Variants in EPC2 observed in about 807,000 individuals in gnomAD.
EPC2 encodes the protein enhancer of polycomb 2.
EPC2 carries 14 observed loss-of-function variants against 92.1 expected under a neutral mutation model. The ratio of observed to expected loss-of-function variants is 0.15; its 90% CI spans 0.10 to 0.24. EPC2 has a LOEUF of 0.24. Among genes scored for constraint, EPC2 ranks in the 10% least tolerant of loss-of-function variants. The pLI is 1.00. For synonymous variants in EPC2, 340 were observed against 334.7 expected, an observed-to-expected ratio of 1.02 and a Z score of -0.17; for missense variants, 755 against 971.5, an observed-to-expected ratio of 0.78 and a Z score of 2.96.
intron 4 of EPC2, 35 bp downstream of exon 4, chr2:148,754,168 T>C: frequency 6.8e-7 from 1 of 1,471,126 alleles, no homozygotes; most frequent in Non-Finnish European, 9.2e-7. Context: ...GAAGGTAGCT[T>C]AATAGTATTC....
chr2:148,744,698 C>T (rs891046366), intron 3 of EPC2, among the ~76,000 whole-genome samples: 1 of 151,706 alleles, frequency 6.6e-6, no homozygotes, highest in Admixed American at 6.6e-5. Flanking sequence ...CCAAATTTAT[C>T]ATGAGCTATG....
chr2:148,698,905 C>G (rs905880369), intron 2 of EPC2, among the ~76,000 whole-genome samples: 1 of 148,808 alleles, frequency 6.7e-6, no homozygotes, highest in Non-Finnish European at 1.5e-5. Flanking sequence ...TTTTCACTGA[C>G]TGTCATAGAG....
chr2:148,781,268 A>T lies in EPC2; in HGVS notation c.1721-376A>T, dbSNP rs543558314. Among the ~76,000 whole-genome samples the T allele has an allele frequency of 5.6e-4, 86 of 152,264 alleles. 1 individual carries two copies. In the Middle Eastern group the frequency reaches 0.017, roughly 30 times the overall value. ...GTCCTGCTTTCTTATTAAGGCTATA[A>T]CTTAGTCATCATTATTATTAACATG... On this transcript the variant is annotated intron_variant, in intron 10 of 13. Transcript: ENST00000258484.
At chr2:148,647,303 A>C (rs1683823069) in intron 1 of EPC2, among the ~76,000 whole-genome samples, 1 of 151,950 alleles carries the variant, frequency 6.6e-6, no homozygotes, top group Admixed American at 6.6e-5. Context: ...TCGTGTTGCA[A>C]TTTTTTGTTT....
At chr2:148,726,370 C>T (rs780207464) in intron 2 of EPC2, among the ~76,000 whole-genome samples, 1 of 152,116 alleles carries the variant, frequency 6.6e-6, no homozygotes, top group Non-Finnish European at 1.5e-5. Flanking sequence ...AGAAACTACT[C>T]CTGTTTTTCA....
intron 1 of EPC2, among the ~76,000 whole-genome samples, chr2:148,666,939 T>G (rs958224864): frequency 6.6e-6 from 1 of 151,678 alleles, no homozygotes; most frequent in Non-Finnish European, 1.5e-5. Context: ...CTTTTTTGAG[T>G]AGGAGCTGGA....
At chr2:148,645,225 C>T (rs1231350664) in intron 1 of EPC2, 55 bp downstream of exon 1, 24 of 1,425,302 alleles carry the variant, frequency 1.7e-5, no homozygotes, top group East Asian at 2.6e-5. Flanking sequence ...TCCCCTTTGT[C>T]AGTCGGGCCT....
intron 1 of EPC2, among the ~76,000 whole-genome samples, chr2:148,684,538 TAACAG>T (rs1681474279): frequency 6.6e-6 from 1 of 152,252 alleles, no homozygotes. Context: ...CTTCTACACG[TAACAG>T]TGCTTCTAAG....
intron 1 of EPC2, 154 bp downstream of exon 1, chr2:148,645,324 C>T (rs1683772413): frequency 1.5e-6 from 1 of 659,994 alleles, no homozygotes; most frequent in Non-Finnish European, 2.5e-6. Flanking sequence ...AGCGTAAACC[C>T]TCTCGGCCGG....
At chr2:148,701,445 T>C (rs1204379570) in intron 2 of EPC2, among the ~76,000 whole-genome samples, 1 of 152,204 alleles carries the variant, frequency 6.6e-6, no homozygotes, top group African/African-American at 2.4e-5. Context: ...ATTCTTAGTT[T>C]GCTGAGAGTT....
At position 148,729,675 on chromosome 2, in the gene EPC2, C is replaced by A. The variant is rs1457215548; in HGVS notation, c.314-13947C>A. Reference sequence around the variant, plus strand: ...GGAAAATCTGATGAATGAGAAAAAACCTAAGAAAATGCATAGTTAGAGAGA... The same window carrying A: ...GGAAAATCTGATGAATGAGAAAAAAACTAAGAAAATGCATAGTTAGAGAGA... On this transcript the variant is annotated intron_variant, in intron 2 of 13. Transcript: ENST00000258484. 2.0e-5 allele frequency among the ~76,000 whole-genome samples: 3 copies of A among 151,928 alleles called. No homozygotes were observed. In the East Asian group the frequency reaches 5.8e-4, roughly 29 times the overall value.
intron 1 of EPC2, among the ~76,000 whole-genome samples, chr2:148,656,998 G>GT (rs1172627778): frequency 7.3e-5 from 11 of 151,150 alleles, no homozygotes; most frequent in South Asian, 4.2e-4. Context: ...AATGCCATGA[G>GT]TTTTTTTTTA....
At chr2:148,689,655 G>A (rs1031005365) in intron 1 of EPC2, among the ~76,000 whole-genome samples, 5 of 152,102 alleles carry the variant, frequency 3.3e-5, no homozygotes, top group African/African-American at 7.2e-5. Flanking sequence ...AGTAAGTTGT[G>A]GAAGTAATGA....
chr2:148,649,736 A>G (rs1680630129), intron 1 of EPC2, among the ~76,000 whole-genome samples: 2 of 152,262 alleles, frequency 1.3e-5, no homozygotes, highest in African/African-American at 4.8e-5. Context: ...GCATATACTC[A>G]TAGTCACCAT....
At chr2:148,691,851 G>A in intron 2 of EPC2, 1 of 632,250 alleles carries the variant, frequency 1.6e-6, no homozygotes, top group Admixed American at 2.1e-5. Flanking sequence ...ATCTTACACT[G>A]AGGGCATAGC....
At chr2:148,761,387 G>A (rs758363015) in intron 4 of EPC2, among the ~76,000 whole-genome samples, 3 of 152,026 alleles carry the variant, frequency 2.0e-5, no homozygotes, top group Non-Finnish European at 4.4e-5. Flanking sequence ...ATGGATGAGG[G>A]GACTCATTTT....
chr2:148,765,774 A>G (rs1243186373), intron 7 of EPC2, among the ~76,000 whole-genome samples: 1 of 152,162 alleles, frequency 6.6e-6, no homozygotes, highest in Non-Finnish European at 1.5e-5. Context: ...GTGGTGGCTC[A>G]CTCCTATAAT....
At chr2:148,784,356 C>G (rs551695100) in intron 12 of EPC2, among the ~76,000 whole-genome samples, 106 of 152,290 alleles carry the variant, frequency 7.0e-4, no homozygotes, top group South Asian at 1.7e-3. Context: ...TGCATGTGTA[C>G]ATACTTAGGG....
At chr2:148,687,659 G>C (rs1681554656) in intron 1 of EPC2, among the ~76,000 whole-genome samples, 1 of 152,184 alleles carries the variant, frequency 6.6e-6, no homozygotes, top group Non-Finnish European at 1.5e-5. Flanking sequence ...GGGAAAAGCA[G>C]GTATGACTTG....
Sources: gnomAD v4.1 joint callset for allele counts (sites outside exome capture counted in the v4.1 genomes callset) on GRCh38, gnomAD v4.1.1 for gene constraint, MANE v1.5 for transcripts, NCBI Gene and HGNC (gene_info 2026-07-23, HGNC 2026-07-21) for gene names.